Variants in NPLOC4 observed in about 807,000 individuals in gnomAD.
NPLOC4 encodes nuclear protein localization protein 4 homolog.
NPLOC4 carries 18 observed loss-of-function variants against 80.6 expected under a neutral mutation model. That is an observed-to-expected ratio of 0.22 (90% CI 0.15 to 0.33). The LOEUF (loss-of-function observed/expected upper bound fraction) is 0.33. Among genes scored for constraint, NPLOC4 ranks in the 10% least tolerant of loss-of-function variants. The pLI is 1.00. For missense variants in NPLOC4, 540 were observed against 786.1 expected (o/e 0.69, Z 3.74); for synonymous variants, 313 against 301.5 (o/e 1.04, Z -0.39).
chr17:81,587,280 C>A (rs189720695), intron 12 of NPLOC4, among the ~76,000 whole-genome samples: 9 of 152,200 alleles, frequency 5.9e-5, no homozygotes, highest in East Asian at 1.9e-4. Context: ...TCAAGATCAA[C>A]CTGGCCAACA....
chr17:81,570,938 AAAG>A (rs60976339), intron 13 of NPLOC4, among the ~76,000 whole-genome samples: 21,279 of 151,360 alleles, frequency 0.14, 1,751 homozygotes, highest in Admixed American at 0.23. Context: ...TTCCTTTATA[AAAG>A]AAGAGGAAAG....
chr17:81,573,260 A>T (rs946065626), intron 12 of NPLOC4, among the ~76,000 whole-genome samples: 8 of 152,164 alleles, frequency 5.3e-5, no homozygotes, highest in Non-Finnish European at 1.0e-4. Context: ...CGTTTATTGG[A>T]GCTCTCAGAC....
chr17:81,622,123 T>C (rs779370775), intron 3 of NPLOC4, 43 bp downstream of exon 3: 1 of 1,426,480 alleles, frequency 7.0e-7, no homozygotes, highest in South Asian at 1.1e-5. Context: ...CATGGGGACC[T>C]CATTTCCCCC....
Position 81,615,641 on chromosome 17 carries a change from C to CA in NPLOC4, c.210-2148dup, listed in dbSNP as rs796839741. On this transcript the variant is annotated intron_variant, in intron 3 of 16. Coordinates refer to ENST00000331134, the MANE Select transcript of NPLOC4 (RefSeq NM_017921.4). ...AAGGCCACTCTCAGTAATTCACTCA[C>CA]AGCTTTGGGCCTACAGCGGTTTGCT... is the stretch of plus-strand genomic sequence containing the variant. Among the ~76,000 whole-genome samples, 87 of 152,344 alleles carry CA rather than the reference C, an allele frequency of 5.7e-4. 1 individual carries two copies. Among genetic ancestry groups the CA allele is most frequent in the African/African-American group, 1.9e-3 (79 of 41,584 alleles).
intron 12 of NPLOC4, among the ~76,000 whole-genome samples, chr17:81,576,858 G>A (rs958007310): frequency 3.9e-5 from 6 of 152,182 alleles, no homozygotes; most frequent in African/African-American, 1.4e-4. Context: ...AGTCACGGGC[G>A]CGAGGGCAAG....
At chr17:81,584,431 C>T (rs1224469884) in intron 12 of NPLOC4, among the ~76,000 whole-genome samples, 1 of 152,162 alleles carries the variant, frequency 6.6e-6, no homozygotes, top group African/African-American at 2.4e-5. Flanking sequence ...AATAAAAAAG[C>T]CAATTTCCAA....
chr17:81,564,759 G>A (rs2033957646), intron 16 of NPLOC4: 2 of 149,238 alleles, frequency 1.3e-5, no homozygotes, highest in African/African-American at 5.0e-5. Context: ...CCACACTCCA[G>A]CCTGGGTGAC....
Position 81,610,231 on chromosome 17 carries a change from G to A in NPLOC4, c.414C>T (p.Cys138=), listed in dbSNP as rs368656583. ...TCACCTCTAGAGGGACGCAGTGCAC[G>A]CATTTCCCCAAAGGGCCGTGGCGGC... The part of the protein sequence containing the change: ...QLCRHGPLGK[C]VHCVPLEPFD... The change falls in exon 5 of 17, where the codon TGC becomes TGT. Residue 138 remains cysteine, a synonymous_variant. Transcript: ENST00000331134. 110 of 1,575,202 alleles carry A rather than the reference G, an allele frequency of 7.0e-5. No homozygotes were observed. Among genetic ancestry groups the A allele is most frequent in the Non-Finnish European group, 8.4e-5 (97 of 1,161,042 alleles).
chr17:81,576,471 G>C (rs1226738266), intron 12 of NPLOC4, among the ~76,000 whole-genome samples: 1 of 152,146 alleles, frequency 6.6e-6, no homozygotes, highest in South Asian at 2.1e-4. Context: ...GGGCGTGAGT[G>C]CATGTGGACT....
chr17:81,585,075 CAGA>C (rs2034536684), intron 12 of NPLOC4, among the ~76,000 whole-genome samples: 1 of 136,928 alleles, frequency 7.3e-6, no homozygotes, highest in South Asian at 2.3e-4. Flanking sequence ...GAGGCTGAGG[CAGA>C]AGAATTGCTT....
intron 11 of NPLOC4, among the ~76,000 whole-genome samples, chr17:81,594,098 C>T (rs1485208331): frequency 6.6e-6 from 1 of 151,440 alleles, no homozygotes; most frequent in Admixed American, 6.6e-5. Flanking sequence ...ACGGTGAAAC[C>T]CCGTCTCTAC....
intron 12 of NPLOC4, among the ~76,000 whole-genome samples, chr17:81,579,623 C>T (rs1273489131): frequency 6.6e-6 from 1 of 152,116 alleles, no homozygotes; most frequent in Non-Finnish European, 1.5e-5. Flanking sequence ...CCTCATTGTA[C>T]TGACCTGTCT....
rs980327404 is a variant in NPLOC4, at chr17:81,558,507, A to G, written c.*752T>C. ...GTCCACACTCATCACCCTGGACACAACCTCGGGGGCTTCACTAAAGGAGGG... is the reference window on the plus strand; with the variant it reads ...GTCCACACTCATCACCCTGGACACAGCCTCGGGGGCTTCACTAAAGGAGGG... On this transcript the variant is annotated 3_prime_UTR_variant, in exon 17 of 17. Transcript: ENST00000331134. The G allele has an allele frequency of 1.2e-4, 18 of 152,086 alleles. No individual in the cohort carries two copies. Among genetic ancestry groups the G allele is most frequent in the African/African-American group, 4.1e-4 (17 of 41,390 alleles). 9.4% of individuals were successfully genotyped at this position (152,086 alleles called of 1,614,324 possible).
At chr17:81,635,426 T>C (rs2036041443) in intron 1 of NPLOC4, among the ~76,000 whole-genome samples, 2 of 147,750 alleles carry the variant, frequency 1.4e-5, no homozygotes, top group Non-Finnish European at 3.0e-5. Flanking sequence ...ATTCCACTCA[T>C]CTCCAGGTTG....
chr17:81,604,619 G>A lies in NPLOC4; in HGVS notation c.763C>T (p.Arg255Trp). ...GGAATGTCTTTGTGCTCCGTGTACC[G>A]TCCGTATAAGTACCCAAAATGCTGG... ...GNQHFGYLYGRYTEHKDIPLG... is the reference protein window; with the variant it reads ...GNQHFGYLYGWYTEHKDIPLG... The change falls in exon 8 of 17, where the codon CGG (arginine) becomes TGG (tryptophan). Residue 255 changes from arginine (R) to tryptophan (W), a missense_variant. Physicochemically the swap from Arg to Trp is moderately radical, Grantham distance 101 (BLOSUM62 -3). Around this residue, in one of 6 missense-constraint regions of NPLOC4, gnomAD observed 61 missense variants for 156.7 expected, o/e 0.39. Transcript: ENST00000331134. 2 of 1,613,826 alleles carry A rather than the reference G, an allele frequency of 1.2e-6. No individual in the cohort carries two copies. Among genetic ancestry groups the A allele is most frequent in the East Asian group, 2.2e-5 (1 of 44,888 alleles).
intron 1 of NPLOC4, among the ~76,000 whole-genome samples, chr17:81,631,361 AC>A (rs1466941950): frequency 1.3e-5 from 2 of 150,452 alleles, no homozygotes; most frequent in African/African-American, 4.9e-5. Context: ...CCTGGCCAAC[AC>A]AGCGAGACCC....
Position 81,594,254 on chromosome 17 carries a change from G to A in NPLOC4, c.1120+1862C>T, listed in dbSNP as rs192201287. 1.2e-3 allele frequency among the ~76,000 whole-genome samples: 134 copies of A among 108,088 alleles called. 2 individuals carry two copies. In the East Asian group the frequency reaches 0.037, roughly 30 times the overall value. The allele number at this position is 108,088 out of a possible 152,430, so 70.9% of individuals were successfully genotyped here. A position where few individuals can be genotyped will look rare whatever the true frequency, so the allele number is the denominator to read the frequency against. ...AGCGCCACTGCAGTCCAGCCTGGGC[G>A]AAAGAGCGAGACTCCGTCTCAAAAA... On this transcript the variant is annotated intron_variant, in intron 11 of 16. Coordinates refer to ENST00000331134, the MANE Select transcript of NPLOC4 (RefSeq NM_017921.4).
chr17:81,613,538 T>C (rs1568155490), intron 3 of NPLOC4, 44 bp from the exon 4 acceptor site: 4 of 1,560,920 alleles, frequency 2.6e-6, no homozygotes, highest in South Asian at 1.2e-5. Flanking sequence ...CCTTACCACC[T>C]GAGCTTCATG....
chr17:81,617,663 C>CCCCCCCCCCCCCCCCCTCCCCCT (rs2035536057), intron 3 of NPLOC4, among the ~76,000 whole-genome samples: 1 of 134,126 alleles, frequency 7.5e-6, no homozygotes, highest in Non-Finnish European at 1.6e-5. Flanking sequence ...CAAAAAATGC[C>CCCCCCCCCCCCCCCCCTCCCCCT]CCCCCTCCCC....
Sources: gnomAD v4.1 joint callset for allele counts (sites outside exome capture counted in the v4.1 genomes callset) on GRCh38, gnomAD v4.1.1 for gene constraint, gnomAD v4.1.1 regional missense constraint, MANE v1.5 for transcripts, NCBI Gene and HGNC (gene_info 2026-07-23, HGNC 2026-07-21) for gene names.